CSMD1: variants seen among roughly 807,000 people sequenced by gnomAD.
CSMD1 encodes CUB and sushi domain-containing protein 1.
In CSMD1, 213 loss-of-function variants were observed where a neutral mutation model predicts 417.5. The observed-to-expected ratio is 0.51, with a 90% confidence interval of 0.46 to 0.57. The LOEUF is 0.57. Among genes scored for constraint, CSMD1 ranks in the 20% least tolerant of loss-of-function variants. The pLI, the probability that CSMD1 is intolerant of heterozygous loss-of-function variation, is 0.00. For missense variants in CSMD1, 6,923 were observed against 4,529.7 expected (o/e 1.53, Z -15.17); for synonymous variants, 2,862 against 1,736.8 (o/e 1.65, Z -16.11).
chr8:4,376,391 C>T (rs1002905678), intron 3 of CSMD1, among the ~76,000 whole-genome samples: 3 of 152,054 alleles, frequency 2.0e-5, no homozygotes, highest in African/African-American at 7.2e-5. Flanking sequence ...ATATGTAACC[C>T]GTGCTGTGAT....
At chr8:3,506,628 TC>T (rs1385740626) in intron 10 of CSMD1, among the ~76,000 whole-genome samples, 1 of 152,200 alleles carries the variant, frequency 6.6e-6, no homozygotes, top group African/African-American at 2.4e-5. Context: ...CTAATATTTT[TC>T]TTAGGAAAAC....
At chr8:4,419,868 C>T (rs919696813) in intron 3 of CSMD1, 85 bp downstream of exon 3, 3 of 935,372 alleles carry the variant, frequency 3.2e-6, no homozygotes, top group Middle Eastern at 2.1e-4. Flanking sequence ...ACATAGCAGC[C>T]TAGTTTGTCA....
intron 26 of CSMD1, among the ~76,000 whole-genome samples, chr8:3,239,267 A>G (rs546842802): frequency 4.4e-4 from 67 of 152,308 alleles, no homozygotes; most frequent in African/African-American, 1.6e-3. Context: ...TGCTTGGCTG[A>G]TTTGACTAAT....
chr8:3,302,928 C>A (rs1385337430), intron 25 of CSMD1, among the ~76,000 whole-genome samples: 1 of 152,172 alleles, frequency 6.6e-6, no homozygotes, highest in East Asian at 1.9e-4. Flanking sequence ...CTCAGGCTCT[C>A]CTACATGTCT....
chr8:4,141,265 C>G (rs1469203956), intron 3 of CSMD1, among the ~76,000 whole-genome samples: 2 of 151,032 alleles, frequency 1.3e-5, no homozygotes, highest in African/African-American at 5.0e-5. Context: ...TGCTGAAATT[C>G]CAGCGACCTT....
intron 5 of CSMD1, among the ~76,000 whole-genome samples, chr8:3,811,062 G>C (rs888750947): frequency 1.3e-5 from 2 of 152,180 alleles, no homozygotes; most frequent in Non-Finnish European, 2.9e-5. Flanking sequence ...GAATTCTAAA[G>C]AGCTGTTTTT....
chr8:3,810,087 A>T (rs1800977722), intron 5 of CSMD1, among the ~76,000 whole-genome samples: 1 of 152,082 alleles, frequency 6.6e-6, no homozygotes, highest in South Asian at 2.1e-4. Context: ...GTCACATTTA[A>T]ATGTTTATTC....
chr8:3,927,477 C>T (rs979577401), intron 5 of CSMD1, among the ~76,000 whole-genome samples: 25 of 151,842 alleles, frequency 1.6e-4, no homozygotes, highest in African/African-American at 5.8e-4. Flanking sequence ...CCACCCTGGC[C>T]AACATGGTGA....
chr8:4,660,295 C>A (rs2617026), intron 1 of CSMD1, among the ~76,000 whole-genome samples: 22 of 151,894 alleles, frequency 1.4e-4, no homozygotes, highest in South Asian at 4.1e-4. Context: ...GAGTTAAAAA[C>A]GCAACACAAT....
At chr8:2,955,852 T>C in intron 63 of CSMD1, 84 bp from the exon 64 acceptor site, 2 of 1,259,710 alleles carry the variant, frequency 1.6e-6, no homozygotes, top group Non-Finnish European at 2.2e-6. Context: ...ATTAAAATAG[T>C]TTGGAAATGG....
intron 2 of CSMD1, among the ~76,000 whole-genome samples, chr8:4,541,071 T>G (rs1309387992): frequency 2.0e-5 from 3 of 152,216 alleles, no homozygotes; most frequent in African/African-American, 7.2e-5. Flanking sequence ...TCTAAGGACA[T>G]TTTTGTGTTT....
intron 1 of CSMD1, among the ~76,000 whole-genome samples, chr8:4,731,422 G>C (rs1158571754): frequency 6.6e-6 from 1 of 152,124 alleles, no homozygotes; most frequent in Admixed American, 6.6e-5. Flanking sequence ...TTCCGTATTG[G>C]AGTATCTTGG....
chr8:4,191,652 C>G (rs938226038), intron 3 of CSMD1, among the ~76,000 whole-genome samples: 1 of 151,330 alleles, frequency 6.6e-6, no homozygotes, highest in Non-Finnish European at 1.5e-5. Flanking sequence ...AAATGAAAAG[C>G]CATATGTAAA....
intron 4 of CSMD1, among the ~76,000 whole-genome samples, chr8:4,027,509 A>G (rs950192103): frequency 3.9e-5 from 6 of 151,962 alleles, no homozygotes; most frequent in Non-Finnish European, 7.4e-5. Flanking sequence ...AGGGTCTTTC[A>G]CCCTTCACTC....
chr8:3,245,251 C>A (rs965132156), intron 26 of CSMD1, among the ~76,000 whole-genome samples: 3 of 152,202 alleles, frequency 2.0e-5, no homozygotes, highest in Admixed American at 6.5e-5. Context: ...AGCAAACATT[C>A]ATTCCAGGGC....
intron 3 of CSMD1, among the ~76,000 whole-genome samples, chr8:4,119,814 A>G (rs916873548): frequency 6.6e-6 from 1 of 152,236 alleles, no homozygotes; most frequent in Non-Finnish European, 1.5e-5. Flanking sequence ...GATGCAATTT[A>G]TGATTTTAAA....
At chr8:3,733,649 C>G (rs1418772815) in intron 6 of CSMD1, among the ~76,000 whole-genome samples, 1 of 152,074 alleles carries the variant, frequency 6.6e-6, no homozygotes, top group East Asian at 1.9e-4. Context: ...TCCAGAAGGT[C>G]CCTGCTGTTT....
At chr8:3,474,816 C>A (rs1364325172) in intron 11 of CSMD1, among the ~76,000 whole-genome samples, 4 of 152,064 alleles carry the variant, frequency 2.6e-5, no homozygotes, top group Admixed American at 6.6e-5. Flanking sequence ...AATTTTTCCC[C>A]AAGTTGACTC....
intron 2 of CSMD1, among the ~76,000 whole-genome samples, chr8:4,458,777 ACGG>A (rs1799637048): frequency 6.6e-6 from 1 of 152,102 alleles, no homozygotes; most frequent in Non-Finnish European, 1.5e-5. Context: ...GAATAAGATA[ACGG>A]TTAGGAATAT....
Sources: gnomAD v4.1 joint callset for allele counts (sites outside exome capture counted in the v4.1 genomes callset) on GRCh38, gnomAD v4.1.1 for gene constraint, MANE v1.5 for transcripts, NCBI Gene and HGNC (gene_info 2026-07-23, HGNC 2026-07-21) for gene names.